The following SESTD1 variants were observed in gnomAD, a reference collection of about 807,000 sequenced individuals.
SESTD1 encodes SEC14 and spectrin domain containing 1.
Under a neutral mutation model 101.7 loss-of-function variants are expected in SESTD1, and 43 were observed. That is an observed-to-expected ratio of 0.42 (90% CI 0.33 to 0.55). The LOEUF is 0.55. SESTD1 is among the 20% of genes least tolerant of loss of function. The pLI is 0.07. For synonymous variants in SESTD1, 283 were observed against 286.8 expected (o/e 0.99, Z 0.13); for missense variants, 647 against 815.1 (o/e 0.79, Z 2.51).
At chr2:179,233,442 G>GT (rs970264477) in intron 1 of SESTD1, among the ~76,000 whole-genome samples, 18 of 151,180 alleles carry the variant, frequency 1.2e-4, no homozygotes, top group Admixed American at 2.0e-4. Flanking sequence ...TGTCTTCATA[G>GT]TTTTTTTTTG....
chr2:179,131,860 C>T (rs1250262056), intron 10 of SESTD1, among the ~76,000 whole-genome samples: 3 of 152,130 alleles, frequency 2.0e-5, no homozygotes, highest in African/African-American at 4.8e-5. Flanking sequence ...AAATATTCTG[C>T]ACCCTCTGGA....
At chr2:179,261,986 G>C (rs2047489768) in intron 1 of SESTD1, among the ~76,000 whole-genome samples, 1 of 152,158 alleles carries the variant, frequency 6.6e-6, no homozygotes, top group South Asian at 2.1e-4. Context: ...ATCAGTTGAA[G>C]ATTGGATAAA....
chr2:179,231,859 G>C (rs571791612), intron 1 of SESTD1, among the ~76,000 whole-genome samples: 1 of 151,458 alleles, frequency 6.6e-6, no homozygotes, highest in South Asian at 2.1e-4. Flanking sequence ...ATATGACACA[G>C]AGAAACACTG....
In SESTD1 at chr2:179,107,038, A is replaced by G. The variant is rs2044399788; in HGVS notation, c.*2861T>C. 1 of 152,100 alleles carries G rather than the reference A, an allele frequency of 6.6e-6. No individual in the cohort carries two copies. The highest frequency in any genetic ancestry group is 2.4e-5 in the African/African-American group (1 of 41,352). 9.4% of individuals were successfully genotyped at this position (152,100 alleles called of 1,614,324 possible). On this transcript the variant is annotated 3_prime_UTR_variant, in exon 18 of 18. Transcript: ENST00000428443. Reference sequence around the variant, plus strand: ...TCAATAATTCCCTGAGATGGGCTAAAGGAATGTGGGAGGTTGTGACATATA... The same window carrying G: ...TCAATAATTCCCTGAGATGGGCTAAGGGAATGTGGGAGGTTGTGACATATA...
chr2:179,249,716 T>C (rs1253190812), intron 1 of SESTD1, among the ~76,000 whole-genome samples: 1 of 151,984 alleles, frequency 6.6e-6, no homozygotes, highest in African/African-American at 2.4e-5. Context: ...TTTTGGAAAA[T>C]AATGCAGTAG....
chr2:179,168,965 A>G (rs566203039), intron 5 of SESTD1, among the ~76,000 whole-genome samples: 47 of 152,300 alleles, frequency 3.1e-4, no homozygotes, highest in Admixed American at 2.7e-3. Context: ...GTAAACAGTA[A>G]GGTAACCATT....
chr2:179,123,677 A>AC, intron 12 of SESTD1, 38 bp downstream of exon 12: 2 of 1,468,428 alleles, frequency 1.4e-6, no homozygotes, highest in Non-Finnish European at 9.3e-7. Flanking sequence ...TTAAAAAAAA[A>AC]AAAACCTTAT....
rs1426678949 is a variant in SESTD1 at position 179,210,217 on chromosome 2, T to C, written c.-25-18351A>G. Among the ~76,000 whole-genome samples the C allele has an allele frequency of 3.8e-5, 5 of 133,100 alleles. 1 individual carries two copies. Among genetic ancestry groups the C allele is most frequent in the Middle Eastern group, 8.5e-3 (2 of 234 alleles). 87.3% of individuals were successfully genotyped at this position (133,100 alleles called of 152,430 possible). A position where few individuals can be genotyped will look rare whatever the true frequency, so the allele number is the denominator to read the frequency against. ...AATTTAAAAATTCCAACGAAAGAAG[T>C]TGAGGACTAGATGGATTCACAGCTG... On this transcript the variant is annotated intron_variant, in intron 1 of 17. Transcript: ENST00000428443.
intron 1 of SESTD1, among the ~76,000 whole-genome samples, chr2:179,249,774 AG>A (rs2047289065): frequency 6.6e-6 from 1 of 152,142 alleles, no homozygotes; most frequent in African/African-American, 2.4e-5. Context: ...GAGAGAACTC[AG>A]AAATAGAAAC....
chr2:179,242,413 C>T (rs115110396), intron 1 of SESTD1, among the ~76,000 whole-genome samples: 8,694 of 150,958 alleles, frequency 0.058, 308 homozygotes, highest in South Asian at 0.11. Flanking sequence ...AGATTTAATG[C>T]AATTCCTATC....
rs924805589 is a variant in SESTD1 at position 179,117,737 on chromosome 2, G to A, written c.1443-124C>T. 3 of 646,956 alleles carry A rather than the reference G, an allele frequency of 4.6e-6. No individual in the cohort carries two copies. The Admixed American group carries it at 1.1e-4, about 24-fold the overall frequency. 40.1% of individuals were successfully genotyped at this position (646,956 alleles called of 1,614,324 possible). ...TACTTAGTCCTAAACAATGGAGAAT[G>A]CAAGTATTTTGTATTGATTTGTAAG... On this transcript the variant is annotated intron_variant, in intron 13 of 17. Transcript: ENST00000428443.
intron 9 of SESTD1, among the ~76,000 whole-genome samples, chr2:179,138,870 CAAAAAAAA>C (rs61703699): frequency 2.1e-4 from 14 of 65,538 alleles, no homozygotes; most frequent in South Asian, 7.4e-4. Flanking sequence ...AACCCTGTCT[CAAAAAAAA>C]AAAAAAAAAA....
At chr2:179,172,368 T>C in intron 4 of SESTD1, 135 bp from the exon 5 acceptor site, 1 of 506,012 alleles carries the variant, frequency 2.0e-6, no homozygotes, top group Non-Finnish European at 3.5e-6. Context: ...AAAGAAGAAA[T>C]TCTCTAGACT....
chr2:179,154,732 T>TA (rs1012465462), intron 5 of SESTD1, among the ~76,000 whole-genome samples: 1 of 151,912 alleles, frequency 6.6e-6, no homozygotes, highest in Non-Finnish European at 1.5e-5. Flanking sequence ...TTTGGTCTCT[T>TA]AAAAAAAATG....
chr2:179,150,717 G>A (rs1215406887), intron 6 of SESTD1, among the ~76,000 whole-genome samples: 1 of 152,108 alleles, frequency 6.6e-6, no homozygotes, highest in Non-Finnish European at 1.5e-5. Flanking sequence ...CTACTCACGA[G>A]GCTGAGGCAG....
intron 16 of SESTD1, among the ~76,000 whole-genome samples, chr2:179,114,442 TG>T (rs1320750032): frequency 3.3e-5 from 5 of 152,294 alleles, no homozygotes; most frequent in African/African-American, 9.6e-5. Context: ...AGAATGGATA[TG>T]TAAGGCTTGG....
chr2:179,223,728 A>C (rs563523314), intron 1 of SESTD1, among the ~76,000 whole-genome samples: 1 of 152,186 alleles, frequency 6.6e-6, no homozygotes, highest in Non-Finnish European at 1.5e-5. Context: ...AATGACAATA[A>C]AAGACTAAAT....
intron 1 of SESTD1, among the ~76,000 whole-genome samples, chr2:179,229,774 T>TATATATATATATATATATATATAC (rs1324308376): frequency 8.7e-6 from 1 of 115,038 alleles, no homozygotes; most frequent in African/African-American, 4.0e-5. Context: ...TATATATATA[T>TATATATATATATATATATATATAC]ACTCAAATAC....
chr2:179,125,675 C>T (rs2044858129), intron 10 of SESTD1, among the ~76,000 whole-genome samples: 1 of 152,192 alleles, frequency 6.6e-6, no homozygotes, highest in African/African-American at 2.4e-5. Context: ...TAAATAATCT[C>T]AAATGAGTCT....
Sources: allele counts gnomAD v4.1 joint callset (sites outside exome capture counted in the v4.1 genomes callset), GRCh38; gene constraint gnomAD v4.1.1; transcripts MANE v1.5; gene names NCBI Gene and HGNC (gene_info 2026-07-23, HGNC 2026-07-21).